PDE10A: variants seen among roughly 807,000 people sequenced by gnomAD.
The protein encoded by PDE10A is cAMP and cAMP-inhibited cGMP 3',5'-cyclic phosphodiesterase 10A.
PDE10A carries 39 observed loss-of-function variants against 97.7 expected under a neutral mutation model. The observed-to-expected ratio is 0.40, with a 90% CI of 0.31 to 0.52. The LOEUF (loss-of-function observed/expected upper bound fraction) is 0.52, where lower values mean the gene tolerates loss of function less well. Ranked by LOEUF, PDE10A falls within the 20% of genes least tolerant of loss-of-function variation. The pLI is 0.56. For missense variants in PDE10A, 731 were observed against 1,047.8 expected, an observed-to-expected ratio of 0.70 and a Z score of 4.17; for synonymous variants, 371 against 376.8, an observed-to-expected ratio of 0.98 and a Z score of 0.18.
intron 18 of PDE10A, 32 bp from the exon 19 acceptor site, chr6:165,343,534 T>C (rs776808368): frequency 5.5e-6 from 8 of 1,448,824 alleles, no homozygotes; most frequent in East Asian, 4.5e-5. Flanking sequence ...CTGGTCAGCA[T>C]AGCATTTGCA....
chr6:165,883,536 T>C (rs1423092439), intron 1 of PDE10A, among the ~76,000 whole-genome samples: 1 of 103,004 alleles, frequency 9.7e-6, no homozygotes, highest in Non-Finnish European at 1.9e-5. Context: ...TGAGACTCCG[T>C]CTCAAAAAAA....
chr6:165,512,613 C>T (rs926142550), intron 2 of PDE10A, among the ~76,000 whole-genome samples: 5 of 151,914 alleles, frequency 3.3e-5, no homozygotes, highest in South Asian at 4.1e-4. Context: ...TGAATTGTTT[C>T]CAGTTTGGAG....
At chr6:165,975,101 G>C (rs1419877355) in intron 1 of PDE10A, among the ~76,000 whole-genome samples, 1 of 152,214 alleles carries the variant, frequency 6.6e-6, no homozygotes, top group Non-Finnish European at 1.5e-5. Flanking sequence ...GCTGCTTTCT[G>C]TACACTCCTC....
chr6:165,428,580 G>T, intron 10 of PDE10A, 78 bp downstream of exon 10: 1 of 665,040 alleles, frequency 1.5e-6, no homozygotes, highest in Non-Finnish European at 2.7e-6. Context: ...GGATGAATAA[G>T]TTTAAATGTT....
chr6:165,927,779 C>T (rs1181615504), intron 1 of PDE10A, among the ~76,000 whole-genome samples: 1 of 149,358 alleles, frequency 6.7e-6, no homozygotes, highest in Non-Finnish European at 1.5e-5. Flanking sequence ...TCACTGTAAC[C>T]TCCACCTCTT....
chr6:165,548,245 A>T (rs1783831099), intron 1 of PDE10A, among the ~76,000 whole-genome samples: 1 of 148,416 alleles, frequency 6.7e-6, no homozygotes, highest in Non-Finnish European at 1.5e-5. Context: ...ATTATTTTTA[A>T]TTCCATCAAA....
At chr6:165,610,561 G>A (rs990556297) in intron 1 of PDE10A, among the ~76,000 whole-genome samples, 1 of 151,780 alleles carries the variant, frequency 6.6e-6, no homozygotes, top group Non-Finnish European at 1.5e-5. Context: ...AAAGAAATGG[G>A]GAAAGGATTC....
chr6:165,410,021 CAAT>C (rs1463305892), intron 13 of PDE10A, among the ~76,000 whole-genome samples: 2 of 151,100 alleles, frequency 1.3e-5, no homozygotes, highest in African/African-American at 2.4e-5. Flanking sequence ...AAGTATACAA[CAAT>C]ATTTCAAGGG....
At chr6:165,896,521 ATTTTTT>A (rs35509574) in intron 1 of PDE10A, among the ~76,000 whole-genome samples, 2 of 105,782 alleles carry the variant, frequency 1.9e-5, no homozygotes, top group East Asian at 2.7e-4. Context: ...ACGCCAGCTA[ATTTTTT>A]TTTTTTTTTT....
At chr6:165,765,341 C>T (rs369788454) in intron 1 of PDE10A, among the ~76,000 whole-genome samples, 15,528 of 152,036 alleles carry the variant, frequency 0.1, 730 homozygotes, top group South Asian at 0.19. Context: ...CAGGGGGCGG[C>T]GCTCCTCGGG....
intron 1 of PDE10A, chr6:165,781,419 A>T (rs1778338654): frequency 1.3e-5 from 2 of 152,316 alleles, no homozygotes; most frequent in South Asian, 4.1e-4. Context: ...CATGTTCTCC[A>T]TCCAGGGATT....
chr6:165,924,566 C>T (rs1188741359), intron 1 of PDE10A, among the ~76,000 whole-genome samples: 1 of 152,190 alleles, frequency 6.6e-6, no homozygotes, highest in African/African-American at 2.4e-5. Flanking sequence ...GACAGAAGAT[C>T]TCCCTCTGTG....
chr6:165,854,484 C>A (rs532162824), intron 1 of PDE10A, among the ~76,000 whole-genome samples: 247 of 152,310 alleles, frequency 1.6e-3, no homozygotes, highest in African/African-American at 5.7e-3. Flanking sequence ...CCGGTGTCCA[C>A]CTCCGGGCGG....
At chr6:165,470,316 T>TCTAATCCAGC (rs1376982527) in intron 3 of PDE10A, among the ~76,000 whole-genome samples, 1 of 152,248 alleles carries the variant, frequency 6.6e-6, no homozygotes, top group African/African-American at 2.4e-5. Flanking sequence ...TTATGTCTGA[T>TCTAATCCAGC]CTAATCCAGC....
chr6:165,842,588 T>C (rs1780291853), intron 1 of PDE10A, among the ~76,000 whole-genome samples: 1 of 152,234 alleles, frequency 6.6e-6, no homozygotes, highest in African/African-American at 2.4e-5. Context: ...GAAGGGAGTA[T>C]GGGACTGTTG....
At chr6:165,413,410 TGA>T (rs1491543170) in intron 13 of PDE10A, 89 bp downstream of exon 13, 10,045 of 705,354 alleles carry the variant, frequency 0.014, 22 homozygotes, top group Admixed American at 0.018. Flanking sequence ...GAAATATAAA[TGA>T]AAAAAAAAAA....
chr6:165,663,745 G>C (rs1399028802), upstream of PDE10A, among the ~76,000 whole-genome samples: 2 of 152,192 alleles, frequency 1.3e-5, no homozygotes, highest in Non-Finnish European at 2.9e-5. Flanking sequence ...CCTTGGTTGG[G>C]GTTAGAGAAC....
chr6:165,907,233 G>A (rs1451914984), intron 1 of PDE10A, among the ~76,000 whole-genome samples: 6 of 152,352 alleles, frequency 3.9e-5, no homozygotes, highest in East Asian at 1.9e-4. Context: ...CAGGCCTGCC[G>A]CCGTGGTTGC....
intron 1 of PDE10A, among the ~76,000 whole-genome samples, chr6:165,590,658 G>A (rs549209455): frequency 5.9e-5 from 9 of 152,270 alleles, no homozygotes; most frequent in East Asian, 1.9e-4. Context: ...TTGCGAGGCC[G>A]AGGCGGGTGG....
Sources: gnomAD v4.1 joint callset for allele counts (sites outside exome capture counted in the v4.1 genomes callset) on GRCh38, gnomAD v4.1.1 for gene constraint, MANE v1.5 for transcripts, NCBI Gene and HGNC (gene_info 2026-07-23, HGNC 2026-07-21) for gene names.